The following RALGAPA2 variants were observed in gnomAD, a reference collection of about 807,000 sequenced individuals.
RALGAPA2 encodes the protein ral GTPase-activating protein subunit alpha-2.
A neutral mutation model predicts 230.4 loss-of-function variants in RALGAPA2; 139 were observed. That is an observed-to-expected ratio of 0.60 (90% CI 0.53 to 0.69). The LOEUF (loss-of-function observed/expected upper bound fraction) is 0.69, where lower values mean the gene tolerates loss of function less well. Ranked by LOEUF, RALGAPA2 falls within the 30% of genes least tolerant of loss-of-function variation. RALGAPA2 has a pLI of 0.00. For synonymous variants in RALGAPA2, 847 were observed against 837.8 expected (o/e 1.01, Z -0.19); for missense variants, 2,163 against 2,276.0 (o/e 0.95, Z 1.01).
In RALGAPA2 at chr20:20,477,854, C is replaced by T. The variant is rs550143839; in HGVS notation, c.5368-4898G>A. ...CCATGCACCTCAGCCTCCCACAGTG[C>T]TGGGATAATAGGCATGAGCCACTGT... On this transcript the variant is annotated intron_variant, in intron 36 of 39. Transcript: ENST00000202677. Among the ~76,000 whole-genome samples, 19 of 152,282 alleles carry T rather than the reference C, an allele frequency of 1.2e-4. No individual in the cohort carries two copies. The South Asian group carries it at 3.3e-3, about 27-fold the overall frequency.
intron 14 of RALGAPA2, among the ~76,000 whole-genome samples, chr20:20,605,645 A>G (rs1234245931): frequency 6.6e-6 from 1 of 152,192 alleles, no homozygotes; most frequent in Non-Finnish European, 1.5e-5. Context: ...ATATTGTTCT[A>G]GTGTCTGCAG....
intron 10 of RALGAPA2, among the ~76,000 whole-genome samples, chr20:20,625,202 CCT>C (rs1195629816): frequency 2.8e-4 from 42 of 152,306 alleles, no homozygotes; most frequent in African/African-American, 9.4e-4. Flanking sequence ...TGTACACCCC[CCT>C]GTCTCTCTAC....
At chr20:20,428,110 A>G (rs911344078) in intron 37 of RALGAPA2, among the ~76,000 whole-genome samples, 2 of 152,212 alleles carry the variant, frequency 1.3e-5, no homozygotes, top group African/African-American at 2.4e-5. Flanking sequence ...ATATTCTGGG[A>G]TAATTCTACT....
At chr20:20,579,612 A>C (rs2064924055) in intron 20 of RALGAPA2, among the ~76,000 whole-genome samples, 1 of 152,042 alleles carries the variant, frequency 6.6e-6, no homozygotes, top group Admixed American at 6.6e-5. Flanking sequence ...AATTACTGAC[A>C]CTTTTTTTAT....
intron 37 of RALGAPA2, among the ~76,000 whole-genome samples, chr20:20,442,885 C>T (rs987212158): frequency 6.6e-6 from 1 of 152,180 alleles, no homozygotes; most frequent in Non-Finnish European, 1.5e-5. Context: ...ACGAACTGAA[C>T]CCAATTTCAT....
chr20:20,642,780 T>C (rs1393282355), intron 5 of RALGAPA2, among the ~76,000 whole-genome samples: 2 of 152,156 alleles, frequency 1.3e-5, no homozygotes, highest in East Asian at 3.8e-4. Flanking sequence ...ATAGTTAACA[T>C]ATCAAGTTTT....
At chr20:20,629,790 C>T (rs1331148790) in intron 9 of RALGAPA2, among the ~76,000 whole-genome samples, 200 bp from the exon 10 acceptor site, 1 of 152,216 alleles carries the variant, frequency 6.6e-6, no homozygotes, top group Non-Finnish European at 1.5e-5. Context: ...AAATCCCTCC[C>T]AACTCAGCTA....
intron 3 of RALGAPA2, among the ~76,000 whole-genome samples, chr20:20,672,055 G>T (rs2068154222): frequency 6.6e-6 from 1 of 152,168 alleles, no homozygotes; most frequent in Non-Finnish European, 1.5e-5. Flanking sequence ...CCAGCGCTAG[G>T]ATTTACAGGT....
At chr20:20,402,714 T>C (rs1197437335) in intron 38 of RALGAPA2, among the ~76,000 whole-genome samples, 1 of 152,214 alleles carries the variant, frequency 6.6e-6, no homozygotes, top group African/African-American at 2.4e-5. Context: ...TGGGAATACA[T>C]GGCGAGTAAA....
In RALGAPA2 at chr20:20,524,529, C is replaced by CA; in HGVS notation, c.3776dup (p.Leu1259PhefsTer66). The CA allele has an allele frequency of 6.2e-7, 1 of 1,613,896 alleles. No homozygotes were observed. Among genetic ancestry groups the CA allele is most frequent in the Non-Finnish European group, 8.5e-7 (1 of 1,179,864 alleles). On this transcript the variant is annotated frameshift_variant, in exon 30 of 40. Transcript: ENST00000202677. LOFTEE classifies it high-confidence loss of function. The stretch of plus-strand genomic sequence containing the variant: ...TGCACCAGTCCAAGAGGCAGAGTAG[C>CA]AAGGACACAATAAACTGGAAGAAGA...
intron 1 of RALGAPA2, among the ~76,000 whole-genome samples, chr20:20,683,426 GC>G (rs1298224478): frequency 6.6e-6 from 1 of 152,156 alleles, no homozygotes; most frequent in Non-Finnish European, 1.5e-5. Flanking sequence ...GCAAGGCCCT[GC>G]CTGATTTCCC....
At chr20:20,459,930 A>T (rs2061262514) in intron 37 of RALGAPA2, among the ~76,000 whole-genome samples, 1 of 152,216 alleles carries the variant, frequency 6.6e-6, no homozygotes. Flanking sequence ...CTGGGCACTG[A>T]CCACATGCCT....
intron 4 of RALGAPA2, among the ~76,000 whole-genome samples, chr20:20,646,354 C>T (rs2067215157): frequency 6.6e-6 from 1 of 152,114 alleles, no homozygotes; most frequent in Admixed American, 6.6e-5. Context: ...GCCTTAAGTT[C>T]ACAAAGATAT....
chr20:20,437,180 G>A lies in RALGAPA2; in HGVS notation c.5496-25032C>T, dbSNP rs1189364611. 6.6e-6 allele frequency among the ~76,000 whole-genome samples: 1 copy of A among 152,192 alleles called. No individual in the cohort carries two copies. Among genetic ancestry groups the A allele is most frequent in the East Asian group, 1.9e-4 (1 of 5,178 alleles). ...TAATTCAAACAGAAGTTCACCTCCT[G>A]TAAATGGGGAAATTAAGGAGACTGG... is the stretch of plus-strand genomic sequence containing the variant. On this transcript the variant is annotated intron_variant, in intron 37 of 39. Transcript: ENST00000202677. The surrounding 1 kb of genome is among the most constrained non-coding windows in gnomAD (Gnocchi z 4.1).
At chr20:20,694,143 TAAA>T (rs966226495) in intron 1 of RALGAPA2, among the ~76,000 whole-genome samples, 1 of 143,716 alleles carries the variant, frequency 7.0e-6, no homozygotes, top group South Asian at 2.2e-4. Context: ...ACCGTAACTT[TAAA>T]AAAAAAAAAG....
chr20:20,647,322 CAAGA>C (rs2067248471), intron 4 of RALGAPA2, among the ~76,000 whole-genome samples: 2 of 152,062 alleles, frequency 1.3e-5, no homozygotes, highest in Admixed American at 6.6e-5. Context: ...AAACAAGAAG[CAAGA>C]AAGAGAGAAA....
At chr20:20,647,000 G>C (rs2067237573) in intron 4 of RALGAPA2, among the ~76,000 whole-genome samples, 1 of 151,754 alleles carries the variant, frequency 6.6e-6, no homozygotes, top group Admixed American at 6.6e-5. Context: ...TTATAACAAA[G>C]AATGTATTAT....
At chr20:20,483,712 T>C (rs959253337) in intron 36 of RALGAPA2, among the ~76,000 whole-genome samples, 2 of 152,212 alleles carry the variant, frequency 1.3e-5, no homozygotes, top group Non-Finnish European at 2.9e-5. Flanking sequence ...CTTGAGGGCA[T>C]TTCATTAGAA....
rs1386835423 is a variant in RALGAPA2, at chr20:20,532,940, T to C, written c.3474-1145A>G. Reference sequence around the variant, plus strand: ...AGACTAGCTGCAGGCTTGGTAAGTATGCATGTTCAAATACCTAGTAGAACC... The same window carrying C: ...AGACTAGCTGCAGGCTTGGTAAGTACGCATGTTCAAATACCTAGTAGAACC... On this transcript the variant is annotated intron_variant, in intron 26 of 39. Transcript: ENST00000202677. Among the ~76,000 whole-genome samples the C allele has an allele frequency of 2.0e-5, 3 of 151,758 alleles. No individual in the cohort carries two copies. The East Asian group carries it at 5.8e-4, about 29-fold the overall frequency.
Sources: gnomAD v4.1 joint callset for allele counts (sites outside exome capture counted in the v4.1 genomes callset) on GRCh38, gnomAD v4.1.1 for gene constraint, Gnocchi (gnomAD v3.1) non-coding constraint, MANE v1.5 for transcripts, NCBI Gene and HGNC (gene_info 2026-07-23, HGNC 2026-07-21) for gene names.